Variants in PRKAR1B observed in about 807,000 individuals in gnomAD.
PRKAR1B encodes protein kinase cAMP-dependent type I regulatory subunit beta.
A neutral mutation model predicts 46.5 loss-of-function variants in PRKAR1B; 22 were observed. The ratio of observed to expected loss-of-function variants is 0.47; its 90% CI spans 0.34 to 0.68. The LOEUF (loss-of-function observed/expected upper bound fraction) is 0.68, where lower values mean the gene tolerates loss of function less well. Among genes scored for constraint, PRKAR1B ranks in the 30% least tolerant of loss-of-function variants. PRKAR1B has a pLI of 0.01. For missense variants in PRKAR1B, 445 were observed against 535.6 expected, an observed-to-expected ratio of 0.83 and a Z score of 1.67; for synonymous variants, 259 against 217.7, an observed-to-expected ratio of 1.19 and a Z score of -1.67.
At chr7:554,013 C>T (rs1784413781) in intron 9 of PRKAR1B, among the ~76,000 whole-genome samples, 1 of 152,262 alleles carries the variant, frequency 6.6e-6, no homozygotes, top group Non-Finnish European at 1.5e-5. Flanking sequence ...AGACCCCGGG[C>T]GCTGGAGAGA....
At chr7:620,628 G>A (rs1783061885) in intron 4 of PRKAR1B, among the ~76,000 whole-genome samples, 1 of 152,066 alleles carries the variant, frequency 6.6e-6, no homozygotes, top group Non-Finnish European at 1.5e-5. Flanking sequence ...GATTCCTTGG[G>A]CTTCTTAATG....
At chr7:659,268 C>T (rs191904780) in intron 4 of PRKAR1B, among the ~76,000 whole-genome samples, 20 of 152,264 alleles carry the variant, frequency 1.3e-4, no homozygotes, top group Admixed American at 3.3e-4. Flanking sequence ...AAGCCAGGTA[C>T]GGTAGGGGGT....
chr7:617,882 T>C (rs1230215585), intron 4 of PRKAR1B, among the ~76,000 whole-genome samples: 1 of 152,176 alleles, frequency 6.6e-6, no homozygotes, highest in Non-Finnish European at 1.5e-5. Flanking sequence ...AAGGGCTGTA[T>C]GGGAAAGCCT....
chr7:599,144 C>A (rs577687813), intron 6 of PRKAR1B, among the ~76,000 whole-genome samples: 2 of 152,186 alleles, frequency 1.3e-5, no homozygotes. Flanking sequence ...GTCCCACAGA[C>A]GGCCAGGGCC....
chr7:570,803 G>A (rs563760688), intron 9 of PRKAR1B, among the ~76,000 whole-genome samples: 112 of 151,952 alleles, frequency 7.4e-4, no homozygotes, highest in African/African-American at 2.3e-3. Context: ...ACCTTGGACC[G>A]CTGCCTGCAG....
rs146749973 is a variant in PRKAR1B at position 614,841 on chromosome 7, G to A, written c.441-7389C>T. On this transcript the variant is annotated intron_variant, in intron 4 of 10. Transcript: ENST00000537384. ...GCAGGAGAATTGCTTGAACCTGGGA[G>A]GCGGAGGTTACCATGAGCTGAGATC... is the stretch of plus-strand genomic sequence containing the variant. Among the ~76,000 whole-genome samples the A allele has an allele frequency of 6.3e-3, 954 of 151,944 alleles. 11 individuals carry two copies. The highest frequency in any genetic ancestry group is 0.022 in the African/African-American group (901 of 41,328).
At chr7:676,786 C>T (rs893157513) in intron 4 of PRKAR1B, among the ~76,000 whole-genome samples, 4 of 152,050 alleles carry the variant, frequency 2.6e-5, no homozygotes, top group African/African-American at 7.2e-5. Context: ...CCGGGGAGGG[C>T]GGCGGTGATT....
chr7:633,120 C>T (rs1419661864), intron 4 of PRKAR1B, among the ~76,000 whole-genome samples: 7 of 152,224 alleles, frequency 4.6e-5, no homozygotes, highest in Non-Finnish European at 7.3e-5. Context: ...AGAAACAAAC[C>T]CTTCACGCTG....
intron 9 of PRKAR1B, among the ~76,000 whole-genome samples, chr7:555,412 A>T (rs1778369193): frequency 6.6e-6 from 1 of 152,140 alleles, no homozygotes; most frequent in African/African-American, 2.4e-5. Flanking sequence ...CATCTCCTAG[A>T]GGCCATTTGG....
chr7:603,612 T>G (rs1781780255), intron 6 of PRKAR1B, among the ~76,000 whole-genome samples: 1 of 121,466 alleles, frequency 8.2e-6, no homozygotes, highest in Non-Finnish European at 1.7e-5. Flanking sequence ...GGACCCAGAG[T>G]GGAGGTGATG....
At chr7:606,304 T>G in intron 5 of PRKAR1B, 65 bp from the exon 6 acceptor site, 22 of 1,525,436 alleles carry the variant, frequency 1.4e-5, no homozygotes, top group Non-Finnish European at 1.7e-5. Flanking sequence ...ACAGTTTCTC[T>G]TGCAAACGAC....
At chr7:625,831 C>T (rs749087294) in intron 4 of PRKAR1B, among the ~76,000 whole-genome samples, 1 of 152,036 alleles carries the variant, frequency 6.6e-6, no homozygotes, top group Non-Finnish European at 1.5e-5. Context: ...GATGGTGAAA[C>T]CCCATCTCTA....
At chr7:728,236 C>A (rs886158820), upstream of PRKAR1B, among the ~76,000 whole-genome samples, 1 of 152,168 alleles carries the variant, frequency 6.6e-6, no homozygotes, top group African/African-American at 2.4e-5. Context: ...CGCCTGCTTC[C>A]TGCTGGCGGG....
intron 1 of PRKAR1B, among the ~76,000 whole-genome samples, chr7:719,917 C>T (rs984215121): frequency 1.3e-5 from 2 of 152,174 alleles, no homozygotes; most frequent in Non-Finnish European, 2.9e-5. Context: ...TTTAGAGGTT[C>T]GTCCAAGTTG....
At chr7:640,072 A>G (rs1784308025) in intron 4 of PRKAR1B, among the ~76,000 whole-genome samples, 1 of 151,662 alleles carries the variant, frequency 6.6e-6, no homozygotes, top group African/African-American at 2.4e-5. Context: ...CTGAGGAAGG[A>G]GAATCACTTA....
intron 3 of PRKAR1B, among the ~76,000 whole-genome samples, chr7:677,720 C>T (rs1302623753): frequency 6.6e-6 from 1 of 152,166 alleles, no homozygotes; most frequent in Admixed American, 6.5e-5. Flanking sequence ...AGCCACCGCA[C>T]CCAGCCTCTT....
intron 4 of PRKAR1B, among the ~76,000 whole-genome samples, chr7:610,102 G>C (rs887537421): frequency 6.6e-6 from 1 of 152,092 alleles, no homozygotes; most frequent in African/African-American, 2.4e-5. Context: ...CCAGATGGAC[G>C]TTTCCAGTGC....
chr7:570,691 C>A (rs996626291), intron 9 of PRKAR1B, among the ~76,000 whole-genome samples: 1 of 152,210 alleles, frequency 6.6e-6, no homozygotes, highest in Non-Finnish European at 1.5e-5. Context: ...CCCCCAACTC[C>A]GGCCATTGCG....
At chr7:691,144 C>T (rs529573026) in intron 2 of PRKAR1B, among the ~76,000 whole-genome samples, 1 of 152,052 alleles carries the variant, frequency 6.6e-6, no homozygotes, top group Non-Finnish European at 1.5e-5. Context: ...AAATCCTACC[C>T]GAAGGGTCCC....
Sources: allele counts gnomAD v4.1 joint callset (sites outside exome capture counted in the v4.1 genomes callset), GRCh38; gene constraint gnomAD v4.1.1; transcripts MANE v1.5; gene names NCBI Gene and HGNC (gene_info 2026-07-23, HGNC 2026-07-21).